RPTOR: variants seen among roughly 807,000 people sequenced by gnomAD.
The protein encoded by RPTOR is regulatory-associated protein of mTOR.
RPTOR carries 21 observed loss-of-function variants against 169.9 expected under a neutral mutation model. That is an observed-to-expected ratio of 0.12 (90% CI 0.09 to 0.18). The LOEUF is 0.18. RPTOR is among the 10% of genes least tolerant of loss of function. RPTOR has a pLI of 1.00. For synonymous variants in RPTOR, 732 were observed against 753.2 expected, an observed-to-expected ratio of 0.97 and a Z score of 0.46; for missense variants, 1,133 against 1,855.9, an observed-to-expected ratio of 0.61 and a Z score of 7.16.
intron 1 of RPTOR, among the ~76,000 whole-genome samples, chr17:80,577,033 C>CTTTTT (rs11451555): frequency 7.0e-6 from 1 of 142,766 alleles, no homozygotes; most frequent in Non-Finnish European, 1.5e-5. Context: ...AGTCATAATT[C>CTTTTT]TTTTTTTTTT....
rs936469172 is a variant in RPTOR at position 80,782,633 on chromosome 17, G to A, written c.831-8817G>A. 5.3e-5 allele frequency among the ~76,000 whole-genome samples: 8 copies of A among 152,232 alleles called. No homozygotes were observed. The South Asian group carries it at 6.2e-4, about 12-fold the overall frequency. ...TGCCCCATAGCTGTTCCTCAGCACC[G>A]CAGTCGTGGAAGCCCTGTACTGAAT... On this transcript the variant is annotated intron_variant, in intron 6 of 33. Transcript: ENST00000306801.
chr17:80,777,238 A>G (rs2066900065), intron 6 of RPTOR, among the ~76,000 whole-genome samples: 1 of 150,750 alleles, frequency 6.6e-6, no homozygotes, highest in Non-Finnish European at 1.5e-5. Context: ...ACCCTCTCAA[A>G]AAAAAAAAAA....
intron 25 of RPTOR, among the ~76,000 whole-genome samples, chr17:80,945,166 G>A (rs72861344): frequency 0.23 from 34,150 of 151,708 alleles, 3,975 homozygotes; most frequent in Admixed American, 0.25. Flanking sequence ...GTGGCGGTGC[G>A]CGCCTATGTC....
In RPTOR at chr17:80,707,915, C is replaced by G; in HGVS notation, c.423C>G (p.Ala141=). ...TCTGCACGTCCTTACGTCGCAACGC[C>G]AAGGAGGAGCGAGTCCTCTTTCACT... ...KKLCTSLRRN[A]KEERVLFHYN... The change falls in exon 4 of 34, where the codon GCC becomes GCG. Residue 141 remains alanine, a synonymous_variant. Transcript: ENST00000306801. This position sits in a 1 kb window ranked among gnomAD's most constrained non-coding sequence, Gnocchi z 5.0. The G allele has an allele frequency of 6.2e-7, 1 of 1,614,022 alleles. No individual in the cohort carries two copies. The highest frequency in any genetic ancestry group is 2.2e-5 in the East Asian group (1 of 44,888).
intron 24 of RPTOR, among the ~76,000 whole-genome samples, chr17:80,938,210 A>G (rs7210742): frequency 0.61 from 92,040 of 152,066 alleles, 28,560 homozygotes; most frequent in African/African-American, 0.75. Flanking sequence ...CCCCCTCTCA[A>G]CCTTGCAGTC....
At chr17:80,827,542 C>G (rs1030570492) in intron 9 of RPTOR, among the ~76,000 whole-genome samples, 11 of 152,198 alleles carry the variant, frequency 7.2e-5, no homozygotes, top group Non-Finnish European at 1.5e-4. Context: ...GCAGCCATCA[C>G]CGTTGCCATA....
chr17:80,878,414 T>C lies in RPTOR; in HGVS notation c.1510-2001T>C, dbSNP rs1180705147. On this transcript the variant is annotated intron_variant, in intron 13 of 33. Coordinates refer to ENST00000306801, the MANE Select transcript of RPTOR (RefSeq NM_020761.3). The surrounding 1 kb of genome is among the most constrained non-coding windows in gnomAD (Gnocchi z 4.1). ...CAGGCTGGAATGCAGTGGTGCGATCTCAGCTCACTACAGCCTCCGCCTCCC... is the reference window on the plus strand; with the variant it reads ...CAGGCTGGAATGCAGTGGTGCGATCCCAGCTCACTACAGCCTCCGCCTCCC... 6.6e-6 allele frequency among the ~76,000 whole-genome samples: 1 copy of C among 152,090 alleles called. No homozygotes were observed. The highest frequency in any genetic ancestry group is 2.4e-5 in the African/African-American group (1 of 41,386).
chr17:80,663,033 A>G (rs1002502167), intron 3 of RPTOR, among the ~76,000 whole-genome samples: 1 of 152,118 alleles, frequency 6.6e-6, no homozygotes, highest in African/African-American at 2.4e-5. Flanking sequence ...AGGTGGCCTC[A>G]CTTATTTTTT....
intron 10 of RPTOR, among the ~76,000 whole-genome samples, chr17:80,846,145 G>A (rs1225586346): frequency 6.6e-6 from 1 of 152,230 alleles, no homozygotes; most frequent in East Asian, 1.9e-4. Context: ...TCACTCCCTT[G>A]TCCAGCCACT....
chr17:80,668,059 G>C (rs558249048), intron 3 of RPTOR, among the ~76,000 whole-genome samples: 10 of 152,242 alleles, frequency 6.6e-5, no homozygotes, highest in Non-Finnish European at 1.3e-4. Flanking sequence ...CTGGTTTCAG[G>C]CGCGGGCATC....
intron 1 of RPTOR, chr17:80,593,330 A>T (rs1174145348): frequency 6.5e-6 from 1 of 154,874 alleles, no homozygotes; most frequent in African/African-American, 2.4e-5. Flanking sequence ...CGCGGCGGCC[A>T]TGCTGGGTGT....
rs150653828 is a variant in RPTOR at position 80,585,166 on chromosome 17, TTTATTATTATTATTA to T, written c.162+39399_162+39413del. 6.2e-3 allele frequency among the ~76,000 whole-genome samples: 879 copies of T among 141,616 alleles called. 7 individuals carry two copies. Among genetic ancestry groups the T allele is most frequent in the Admixed American group, 7.6e-3 (108 of 14,232 alleles). 92.9% of individuals were successfully genotyped at this position (141,616 alleles called of 152,430 possible). The stretch of plus-strand genomic sequence containing the variant: ...TCCTGTTCTTGTTTCAGTGCTTTGG[TTTATTATTATTATTA>T]TTATTATTATTATTATTATTATTTT... On this transcript the variant is annotated intron_variant, in intron 1 of 33. Coordinates refer to ENST00000306801, the MANE Select transcript of RPTOR (RefSeq NM_020761.3).
At chr17:80,664,549 C>A (rs1012503144) in intron 3 of RPTOR, among the ~76,000 whole-genome samples, 21 of 152,054 alleles carry the variant, frequency 1.4e-4, no homozygotes, top group African/African-American at 5.1e-4. Flanking sequence ...CCTCACCCCA[C>A]TCTTCCCCCT....
chr17:80,922,649 A>G, intron 21 of RPTOR, 75 bp from the exon 22 acceptor site: 2 of 1,224,416 alleles, frequency 1.6e-6, no homozygotes, highest in Non-Finnish European at 1.2e-6. Context: ...GCTCCACGCC[A>G]GCCTCTGCTT....
At chr17:80,673,920 G>A (rs1335206943) in intron 3 of RPTOR, among the ~76,000 whole-genome samples, 1 of 152,138 alleles carries the variant, frequency 6.6e-6, no homozygotes, top group Admixed American at 6.5e-5. Flanking sequence ...CTTCACTTAG[G>A]GCATGAACTA....
At chr17:80,632,979 A>G (rs536833441) in intron 2 of RPTOR, among the ~76,000 whole-genome samples, 1 of 151,838 alleles carries the variant, frequency 6.6e-6, no homozygotes, top group Non-Finnish European at 1.5e-5. Context: ...AAAATTTTTT[A>G]TGGAGACAGG....
chr17:80,815,599 C>T (rs1381835167), intron 7 of RPTOR, among the ~76,000 whole-genome samples: 4 of 152,230 alleles, frequency 2.6e-5, no homozygotes, highest in East Asian at 1.9e-4. Flanking sequence ...ATGTGCTTAA[C>T]GAGCTGCCGG....
intron 13 of RPTOR, among the ~76,000 whole-genome samples, chr17:80,864,024 C>T (rs763749469): frequency 2.6e-5 from 4 of 152,088 alleles, no homozygotes; most frequent in South Asian, 2.1e-4. Flanking sequence ...GGGACAACGG[C>T]AAGTGACATA....
intron 5 of RPTOR, among the ~76,000 whole-genome samples, chr17:80,753,022 A>C (rs2066644401): frequency 6.6e-6 from 1 of 152,204 alleles, no homozygotes; most frequent in African/African-American, 2.4e-5. Flanking sequence ...TACTATCCCT[A>C]CTTTAAAGAG....
Sources: gnomAD v4.1 joint callset for allele counts (sites outside exome capture counted in the v4.1 genomes callset) on GRCh38, gnomAD v4.1.1 for gene constraint, Gnocchi (gnomAD v3.1) non-coding constraint, MANE v1.5 for transcripts, NCBI Gene and HGNC (gene_info 2026-07-23, HGNC 2026-07-21) for gene names.